COL23A1: variants seen among roughly 807,000 people sequenced by gnomAD.
COL23A1 encodes collagen type XXIII alpha 1 chain, also known as collagen alpha-1(XXIII) chain.
Under a neutral mutation model 99.3 loss-of-function variants are expected in COL23A1, and 97 were observed. The observed-to-expected ratio is 0.98, with a 90% CI of 0.83 to 1.16. The LOEUF is 1.16. COL23A1 is among the 50% of genes most tolerant of loss of function. COL23A1 has a pLI of 0.00. For synonymous variants in COL23A1, 320 were observed against 308.2 expected, an observed-to-expected ratio of 1.04 and a Z score of -0.40; for missense variants, 762 against 757.4, an observed-to-expected ratio of 1.01 and a Z score of -0.07.
intron 2 of COL23A1, among the ~76,000 whole-genome samples, chr5:178,480,802 T>C (rs1477591828): frequency 4.6e-5 from 7 of 152,308 alleles, no homozygotes; most frequent in African/African-American, 1.4e-4. Context: ...TGTGAATCCA[T>C]CTTTGTATAA....
At chr5:178,555,911 G>A (rs750069357) in intron 2 of COL23A1, among the ~76,000 whole-genome samples, 15 of 152,140 alleles carry the variant, frequency 9.9e-5, no homozygotes, top group Admixed American at 5.2e-4. Context: ...TGTTTGCTGC[G>A]GTAAAGCCCA....
chr5:178,382,646 G>A (rs1456327525), intron 2 of COL23A1, among the ~76,000 whole-genome samples: 1 of 152,168 alleles, frequency 6.6e-6, no homozygotes, highest in Non-Finnish European at 1.5e-5. Flanking sequence ...GTCTCATTAT[G>A]TTCTTAAGCC....
At chr5:178,257,028 A>AGGAGAGAGCAT in intron 13 of COL23A1, 100 bp from the exon 14 acceptor site, 1 of 1,041,052 alleles carries the variant, frequency 9.6e-7, no homozygotes, top group Non-Finnish European at 1.4e-6. Context: ...CCTCGCGATT[A>AGGAGAGAGCAT]GGCCTCCTGG....
intron 2 of COL23A1, among the ~76,000 whole-genome samples, chr5:178,486,889 AG>A (rs1481558265): frequency 6.6e-6 from 1 of 152,202 alleles, no homozygotes; most frequent in Non-Finnish European, 1.5e-5. Flanking sequence ...GGGGAAACGA[AG>A]GAAACTGACG....
In COL23A1 at chr5:178,349,921, A is replaced by G. The variant is rs1761223202; in HGVS notation, c.362-43002T>C. ...ACTCTCTCCCTCCCAGGCCTGGAGAAGGTGGGCAGGACTTGGGAAAATTCC... is the reference window on the plus strand; with the variant it reads ...ACTCTCTCCCTCCCAGGCCTGGAGAGGGTGGGCAGGACTTGGGAAAATTCC... On this transcript the variant is annotated intron_variant, in intron 2 of 28. Transcript: ENST00000390654. Among the ~76,000 whole-genome samples the G allele has an allele frequency of 4.6e-5, 7 of 152,102 alleles. No individual in the cohort carries two copies. In the South Asian group the frequency reaches 1.5e-3, roughly 32 times the overall value.
At chr5:178,569,052 G>A (rs546355923) in intron 1 of COL23A1, among the ~76,000 whole-genome samples, 64 of 152,324 alleles carry the variant, frequency 4.2e-4, no homozygotes, top group Non-Finnish European at 6.3e-4. Flanking sequence ...AGCAACGTAT[G>A]ACAGTTCCAA....
chr5:178,378,634 G>C (rs1315439080), intron 2 of COL23A1, among the ~76,000 whole-genome samples: 1 of 152,234 alleles, frequency 6.6e-6, no homozygotes, highest in African/African-American at 2.4e-5. Context: ...GAACAGAGCT[G>C]ATGGGATGTG....
intron 2 of COL23A1, 113 bp downstream of exon 2, chr5:178,560,569 C>T (rs1762505622): frequency 2.2e-6 from 2 of 916,674 alleles, no homozygotes; most frequent in Non-Finnish European, 3.3e-6. Flanking sequence ...GGCCAGTGCA[C>T]GAAGACGACA....
At chr5:178,447,767 G>A (rs566266871) in intron 2 of COL23A1, among the ~76,000 whole-genome samples, 6 of 152,258 alleles carry the variant, frequency 3.9e-5, no homozygotes, top group South Asian at 4.2e-4. Context: ...AAATTAGACC[G>A]CAAGATGGAG....
chr5:178,268,616 G>C, intron 7 of COL23A1, 114 bp downstream of exon 7: 1 of 981,608 alleles, frequency 1.0e-6, no homozygotes, highest in Non-Finnish European at 1.5e-6. Context: ...GGAAACTGAG[G>C]CTCTAGGAGG....
intron 3 of COL23A1, among the ~76,000 whole-genome samples, chr5:178,305,464 AC>A (rs747058168): frequency 9.9e-5 from 15 of 152,196 alleles, no homozygotes; most frequent in Non-Finnish European, 1.8e-4. Context: ...CACCATGGCC[AC>A]CTTGTGAAGT....
At chr5:178,343,807 T>C (rs1375252644) in intron 2 of COL23A1, among the ~76,000 whole-genome samples, 1 of 151,810 alleles carries the variant, frequency 6.6e-6, no homozygotes, top group Non-Finnish European at 1.5e-5. Flanking sequence ...GGACTACAGG[T>C]GCACGCCACC....
At chr5:178,240,315 G>T (rs182764962) in intron 27 of COL23A1, among the ~76,000 whole-genome samples, 1 of 152,214 alleles carries the variant, frequency 6.6e-6, no homozygotes, top group Non-Finnish European at 1.5e-5. Flanking sequence ...CAGGGACCAG[G>T]CTAGGCACCA....
intron 25 of COL23A1, among the ~76,000 whole-genome samples, chr5:178,243,412 G>A (rs984466676): frequency 2.0e-5 from 3 of 150,896 alleles, no homozygotes; most frequent in African/African-American, 2.4e-5. Context: ...GCTTGAACCC[G>A]GGAGACAGAA....
At chr5:178,423,826 G>A (rs756112171) in intron 2 of COL23A1, among the ~76,000 whole-genome samples, 3 of 152,100 alleles carry the variant, frequency 2.0e-5, no homozygotes, top group African/African-American at 4.8e-5. Flanking sequence ...TGCCCATGAC[G>A]CTGTGCCTCA....
Position 178,281,612 on chromosome 5 carries a change from T to C in COL23A1, c.441+6712A>G, listed in dbSNP as rs1464130244. On this transcript the variant is annotated intron_variant, in intron 5 of 28. Coordinates refer to ENST00000390654, the MANE Select transcript of COL23A1 (RefSeq NM_173465.4). This position sits in a 1 kb window ranked among gnomAD's most constrained non-coding sequence, Gnocchi z 4.0. ...TGTGACGCCTGCCAGCCCTCGTTTC[T>C]GTTAGTCATTCAGGCTTCACCAGCA... Among the ~76,000 whole-genome samples, 7 of 152,226 alleles carry C rather than the reference T, an allele frequency of 4.6e-5. No individual in the cohort carries two copies. The highest frequency in any genetic ancestry group is 1.0e-4 in the Non-Finnish European group (7 of 68,042).
chr5:178,410,429 G>T (rs760599926), intron 2 of COL23A1, among the ~76,000 whole-genome samples: 24 of 152,146 alleles, frequency 1.6e-4, no homozygotes, highest in Non-Finnish European at 3.5e-4. Context: ...TCTTGAAAAA[G>T]AAGAACAAAG....
chr5:178,392,293 C>G (rs148693454), intron 2 of COL23A1, among the ~76,000 whole-genome samples: 1 of 152,054 alleles, frequency 6.6e-6, no homozygotes, highest in African/African-American at 2.4e-5. Flanking sequence ...TGGCTGAGCC[C>G]GCACGGACGC....
chr5:178,286,966 G>A (rs1200361597), intron 5 of COL23A1, among the ~76,000 whole-genome samples: 2 of 152,236 alleles, frequency 1.3e-5, no homozygotes, highest in African/African-American at 2.4e-5. Context: ...AGGGAACTGC[G>A]TCATGCCAGG....
Sources: gnomAD v4.1 joint callset for allele counts (sites outside exome capture counted in the v4.1 genomes callset) on GRCh38, gnomAD v4.1.1 for gene constraint, Gnocchi (gnomAD v3.1) non-coding constraint, MANE v1.5 for transcripts, NCBI Gene and HGNC (gene_info 2026-07-23, HGNC 2026-07-21) for gene names.